Variants in HTR7 observed in about 807,000 individuals in gnomAD.
HTR7 encodes the protein 5-hydroxytryptamine receptor 7.
HTR7 carries 16 observed loss-of-function variants against 34.0 expected under a neutral mutation model. That is an observed-to-expected ratio of 0.47 (90% CI 0.32 to 0.71). HTR7 has a LOEUF of 0.71. HTR7 is among the 30% of genes least tolerant of loss of function. The pLI, the probability that HTR7 is intolerant of heterozygous loss-of-function variation, is 0.04. For missense variants in HTR7, 504 were observed against 625.5 expected (o/e 0.81, Z 2.07); for synonymous variants, 265 against 260.2 (o/e 1.02, Z -0.18).
intron 1 of HTR7, among the ~76,000 whole-genome samples, chr10:90,824,366 A>G (rs1846035434): frequency 6.6e-6 from 1 of 152,276 alleles, no homozygotes; most frequent in Non-Finnish European, 1.5e-5. Flanking sequence ...AATAATCAGC[A>G]GTGGTATCTA....
chr10:90,853,497 G>A (rs957174386), intron 1 of HTR7, among the ~76,000 whole-genome samples: 2 of 149,658 alleles, frequency 1.3e-5, no homozygotes, highest in African/African-American at 4.9e-5. Flanking sequence ...AGAGATGGGA[G>A]TCTCCCTGTG....
chr10:90,763,641 A>C (rs1181484113), intron 1 of HTR7, among the ~76,000 whole-genome samples: 1 of 151,968 alleles, frequency 6.6e-6, no homozygotes, highest in Non-Finnish European at 1.5e-5. Context: ...AACAGGCTCC[A>C]GTGTGTGTTG....
intron 1 of HTR7, among the ~76,000 whole-genome samples, chr10:90,823,858 C>T (rs982753803): frequency 1.3e-5 from 2 of 152,184 alleles, no homozygotes; most frequent in Admixed American, 1.3e-4. Context: ...CTTTCACTCT[C>T]TTTTTCCTGC....
At chr10:90,746,276 A>C (rs976650411) in intron 2 of HTR7, among the ~76,000 whole-genome samples, 1 of 152,212 alleles carries the variant, frequency 6.6e-6, no homozygotes, top group Non-Finnish European at 1.5e-5. Flanking sequence ...TTAAACTGGA[A>C]AACCTTTTTG....
Position 90,765,524 on chromosome 10 carries a change from AT to A in HTR7, c.540-15931del, listed in dbSNP as rs35382478. Among the ~76,000 whole-genome samples the A allele has an allele frequency of 7.1e-3, 1,024 of 143,658 alleles. 6 individuals are homozygous for A. The highest frequency in any genetic ancestry group is 0.018 in the Middle Eastern group (5 of 278). 94.2% of individuals were successfully genotyped at this position (143,658 alleles called of 152,430 possible). On this transcript the variant is annotated intron_variant, in intron 1 of 3. Coordinates refer to ENST00000336152, the MANE Select transcript of HTR7 (RefSeq NM_019859.4). ...TACTACTGTTCATCTAGTCTATTTC[AT>A]TTTTTTTTTTGCTCTGATCTTTATT...
chr10:90,806,613 A>T (rs2185708), intron 1 of HTR7, among the ~76,000 whole-genome samples: 9 of 151,436 alleles, frequency 5.9e-5, no homozygotes, highest in African/African-American at 1.9e-4. Context: ...AAAACAAAAT[A>T]AAAAAATTTA....
chr10:90,747,771 G>A (rs187926408), intron 2 of HTR7, among the ~76,000 whole-genome samples: 6 of 152,298 alleles, frequency 3.9e-5, no homozygotes, highest in East Asian at 3.9e-4. Context: ...GCTCAGTGAA[G>A]AACGACACCT....
rs1844562466 is a variant in HTR7 at position 90,742,237 on chromosome 10, T to C, written c.*245A>G. 1 of 320,460 alleles carries C rather than the reference T, an allele frequency of 3.1e-6. No homozygotes were observed. The allele number at this position is 320,460 out of a possible 1,614,324, so 19.9% of individuals were successfully genotyped here. A position where few individuals can be genotyped will look rare whatever the true frequency, so the allele number is the denominator to read the frequency against. On this transcript the variant is annotated 3_prime_UTR_variant, in exon 4 of 4. Transcript: ENST00000336152. ...TTTCTGGAACTCAGTTCTGTTGGTG[T>C]GCTTACTGCTGAGATGATCTGCTAT...
chr10:90,858,020 C>A lies in HTR7; in HGVS notation c.-349G>T, dbSNP rs1245941521. ...TGCGCCGAGAGCGCCCGGGCGGCAGCGGCAGAAGTTGCGGAGTGCGCCCCG... is the reference window on the plus strand; with the variant it reads ...TGCGCCGAGAGCGCCCGGGCGGCAGAGGCAGAAGTTGCGGAGTGCGCCCCG... On this transcript the variant is annotated 5_prime_UTR_variant, in exon 1 of 4. Coordinates refer to ENST00000336152, the MANE Select transcript of HTR7 (RefSeq NM_019859.4). Among the ~76,000 whole-genome samples, 1 of 149,374 alleles carries A rather than the reference C, an allele frequency of 6.7e-6. No homozygotes were observed. Among genetic ancestry groups the A allele is most frequent in the African/African-American group, 2.4e-5 (1 of 41,086 alleles).
At chr10:90,767,282 T>C (rs1304636883) in intron 1 of HTR7, among the ~76,000 whole-genome samples, 1 of 152,236 alleles carries the variant, frequency 6.6e-6, no homozygotes, top group Non-Finnish European at 1.5e-5. Context: ...AAAATTATAA[T>C]TTCAGCCATT....
chr10:90,794,267 C>A (rs114132177), intron 1 of HTR7, among the ~76,000 whole-genome samples: 2,466 of 152,260 alleles, frequency 0.016, 83 homozygotes, highest in African/African-American at 0.055. Flanking sequence ...GGGGCACCAA[C>A]ATACAAGGAG....
intron 1 of HTR7, among the ~76,000 whole-genome samples, chr10:90,755,929 C>G (rs73312288): frequency 1.4e-4 from 22 of 152,110 alleles, no homozygotes; most frequent in Non-Finnish European, 2.6e-4. Flanking sequence ...TTGGTAATAG[C>G]TCCAAATGAA....
Position 90,857,804 on chromosome 10 carries a change from G to A in HTR7, c.-133C>T, listed in dbSNP as rs943558350. 3.4e-5 allele frequency: 30 copies of A among 874,424 alleles called. No individual in the cohort carries two copies. The African/African-American group carries it at 4.3e-4, about 12-fold the overall frequency. 54.2% of individuals were successfully genotyped at this position (874,424 alleles called of 1,614,324 possible). A position where few individuals can be genotyped will look rare whatever the true frequency, so the allele number is the denominator to read the frequency against. On this transcript the variant is annotated 5_prime_UTR_variant, in exon 1 of 4. Transcript: ENST00000336152. This position sits in a 1 kb window ranked among gnomAD's most constrained non-coding sequence, Gnocchi z 6.5. ...TGGGGCCCGCGCCGACCGCTGGGGG[G>A]CGCCTGGCTCTGTCTCGGAGCCCCG... is the stretch of plus-strand genomic sequence containing the variant.
chr10:90,838,322 G>A (rs1216245235), intron 1 of HTR7, among the ~76,000 whole-genome samples: 6 of 151,958 alleles, frequency 3.9e-5, no homozygotes, highest in African/African-American at 4.8e-5. Flanking sequence ...CTCCCTCAGC[G>A]CCTACATCCA....
intron 1 of HTR7, among the ~76,000 whole-genome samples, chr10:90,808,830 A>G (rs1845749134): frequency 1.3e-5 from 2 of 152,298 alleles, no homozygotes; most frequent in African/African-American, 4.8e-5. Context: ...CTTGACCCCA[A>G]TACAAACTCA....
At chr10:90,811,608 T>A (rs532441298) in intron 1 of HTR7, among the ~76,000 whole-genome samples, 5 of 152,178 alleles carry the variant, frequency 3.3e-5, no homozygotes, top group Admixed American at 3.3e-4. Context: ...TGGAAATCTA[T>A]CCTCGAGGAA....
chr10:90,751,391 C>A (rs1844731142), intron 1 of HTR7, among the ~76,000 whole-genome samples: 1 of 152,076 alleles, frequency 6.6e-6, no homozygotes, highest in Non-Finnish European at 1.5e-5. Context: ...GCCTTTTGGG[C>A]ACCTTCCTTA....
chr10:90,741,602 C>T lies in HTR7; in HGVS notation c.*880G>A, dbSNP rs535861476. The T allele has an allele frequency of 6.6e-5, 10 of 152,498 alleles. No individual in the cohort carries two copies. Among genetic ancestry groups the T allele is most frequent in the African/African-American group, 2.4e-4 (10 of 41,584 alleles). The allele number at this position is 152,498 out of a possible 1,614,324, so 9.4% of individuals were successfully genotyped here. On this transcript the variant is annotated 3_prime_UTR_variant, in exon 4 of 4. Coordinates refer to ENST00000336152, the MANE Select transcript of HTR7 (RefSeq NM_019859.4). ...CATTTCATGGAAAACCCATCATTCC[C>T]ACACTTCTTCCACATAACATACAGT...
At chr10:90,774,380 G>C (rs764322032) in intron 1 of HTR7, among the ~76,000 whole-genome samples, 2 of 152,072 alleles carry the variant, frequency 1.3e-5, no homozygotes, top group Non-Finnish European at 2.9e-5. Context: ...AGTTCCCTTA[G>C]TACTCAGTAC....
Sources: allele counts gnomAD v4.1 joint callset (sites outside exome capture counted in the v4.1 genomes callset), GRCh38; gene constraint gnomAD v4.1.1; non-coding constraint Gnocchi (gnomAD v3.1); transcripts MANE v1.5; gene names NCBI Gene and HGNC (gene_info 2026-07-23, HGNC 2026-07-21).